The following CNTNAP2 variants were observed in gnomAD, a reference collection of about 807,000 sequenced individuals.
CNTNAP2 encodes the protein contactin-associated protein-like 2.
Under a neutral mutation model 155.2 loss-of-function variants are expected in CNTNAP2, and 98 were observed. That is an observed-to-expected ratio of 0.63 (90% CI 0.54 to 0.75). The LOEUF is 0.75. Ranked by LOEUF, CNTNAP2 falls within the 30% of genes least tolerant of loss-of-function variation. The pLI is 0.00. For missense variants in CNTNAP2, 1,727 were observed against 1,688.1 expected (o/e 1.02, Z -0.40); for synonymous variants, 651 against 631.2 (o/e 1.03, Z -0.47).
At chr7:147,577,712 G>T (rs1800421488) in intron 12 of CNTNAP2, among the ~76,000 whole-genome samples, 1 of 151,558 alleles carries the variant, frequency 6.6e-6, no homozygotes, top group African/African-American at 2.4e-5. Flanking sequence ...TATAGGCAAA[G>T]GCTCAGAGGA....
chr7:148,053,687 T>A (rs1322609377), intron 15 of CNTNAP2, among the ~76,000 whole-genome samples: 1 of 152,180 alleles, frequency 6.6e-6, no homozygotes, highest in Non-Finnish European at 1.5e-5. Flanking sequence ...ATCTGGGACA[T>A]TTTTTGCTTT....
intron 10 of CNTNAP2, among the ~76,000 whole-genome samples, chr7:147,479,425 G>C (rs1047427119): frequency 3.3e-5 from 5 of 152,194 alleles, no homozygotes; most frequent in African/African-American, 1.2e-4. Flanking sequence ...ACAGGCGACT[G>C]ACTGATTTGA....
At chr7:147,658,615 G>C (rs1795563940) in intron 13 of CNTNAP2, among the ~76,000 whole-genome samples, 2 of 152,190 alleles carry the variant, frequency 1.3e-5, no homozygotes, top group African/African-American at 4.8e-5. Flanking sequence ...AGGGCTACCA[G>C]ATGGGAAGCC....
intron 10 of CNTNAP2, among the ~76,000 whole-genome samples, chr7:147,483,372 T>G (rs1798458419): frequency 6.6e-6 from 1 of 151,996 alleles, no homozygotes; most frequent in African/African-American, 2.4e-5. Flanking sequence ...TGGGTGGGGA[T>G]TGGTGTGGAA....
intron 1 of CNTNAP2, among the ~76,000 whole-genome samples, chr7:146,698,786 A>G (rs1227255959): frequency 6.6e-6 from 1 of 152,102 alleles, no homozygotes; most frequent in African/African-American, 2.4e-5. Context: ...TAACACTCAT[A>G]CATGTGTAGA....
chr7:146,740,960 A>G (rs1486352068), intron 1 of CNTNAP2, among the ~76,000 whole-genome samples: 2 of 152,132 alleles, frequency 1.3e-5, no homozygotes, highest in African/African-American at 2.4e-5. Flanking sequence ...TGGTGGGTCT[A>G]TAGGCTCAGT....
chr7:147,829,738 C>A (rs144264217), intron 13 of CNTNAP2, among the ~76,000 whole-genome samples: 7 of 152,084 alleles, frequency 4.6e-5, no homozygotes, highest in Non-Finnish European at 1.0e-4. Flanking sequence ...GAGGAGCATA[C>A]GGTCAACTTT....
intron 19 of CNTNAP2, 84 bp downstream of exon 19, chr7:148,217,608 T>C (rs1206586745): frequency 5.5e-6 from 8 of 1,452,672 alleles, no homozygotes; most frequent in Admixed American, 1.7e-5. Context: ...TTGTTCTTGG[T>C]TTGTTATTTA....
intron 1 of CNTNAP2, among the ~76,000 whole-genome samples, chr7:146,511,456 G>T (rs1170219614): frequency 6.6e-6 from 1 of 152,126 alleles, no homozygotes; most frequent in Non-Finnish European, 1.5e-5. Context: ...TTTGAAGTAT[G>T]TTCCTTCTAT....
At chr7:146,920,868 T>G (rs1224346319) in intron 3 of CNTNAP2, among the ~76,000 whole-genome samples, 2 of 152,164 alleles carry the variant, frequency 1.3e-5, no homozygotes, top group African/African-American at 2.4e-5. Flanking sequence ...AAATGCCAGC[T>G]GCTGCAGCTC....
intron 3 of CNTNAP2, among the ~76,000 whole-genome samples, chr7:146,854,895 A>G (rs1179596625): frequency 6.6e-6 from 1 of 152,078 alleles, no homozygotes; most frequent in Non-Finnish European, 1.5e-5. Context: ...TTGTTGTTCT[A>G]TTTGCAGGAT....
At chr7:146,622,693 A>G (rs1799348247) in intron 1 of CNTNAP2, among the ~76,000 whole-genome samples, 1 of 152,122 alleles carries the variant, frequency 6.6e-6, no homozygotes, top group South Asian at 2.1e-4. Flanking sequence ...GCAGTGGCTC[A>G]TGCCTGTAAT....
At chr7:146,234,882 C>T (rs1248268110) in intron 1 of CNTNAP2, among the ~76,000 whole-genome samples, 1 of 152,182 alleles carries the variant, frequency 6.6e-6, no homozygotes, top group East Asian at 1.9e-4. Context: ...GTTGGGAAGT[C>T]AATTGTCCTG....
intron 13 of CNTNAP2, among the ~76,000 whole-genome samples, chr7:147,650,080 T>C (rs962443254): frequency 3.3e-5 from 5 of 152,170 alleles, no homozygotes; most frequent in Non-Finnish European, 7.4e-5. Context: ...ATCGTAATTT[T>C]TTCCAGTTCA....
chr7:148,024,708 GT>G (rs900411178), intron 15 of CNTNAP2, among the ~76,000 whole-genome samples: 4 of 152,160 alleles, frequency 2.6e-5, no homozygotes, highest in African/African-American at 7.2e-5. Context: ...CATGTTACAA[GT>G]TTTTAGCAAA....
At chr7:147,794,923 G>A (rs74996777) in intron 13 of CNTNAP2, among the ~76,000 whole-genome samples, 10,718 of 150,886 alleles carry the variant, frequency 0.071, 516 homozygotes, top group Middle Eastern at 0.12. Flanking sequence ...TGTAAAGTTC[G>A]TAGTAATACC....
chr7:146,952,872 AG>A (rs1797350833), intron 3 of CNTNAP2, among the ~76,000 whole-genome samples: 1 of 152,076 alleles, frequency 6.6e-6, no homozygotes. Context: ...AATTTTTTAT[AG>A]ACAGAATCAT....
rs192190059 is a variant in CNTNAP2, at chr7:147,128,015, C to T, written c.940-678C>T. Among the ~76,000 whole-genome samples, 518 of 152,084 alleles carry T rather than the reference C, an allele frequency of 3.4e-3. 3 individuals are homozygous for T. Among genetic ancestry groups the T allele is most frequent in the Non-Finnish European group, 4.4e-3 (298 of 67,986 alleles). On this transcript the variant is annotated intron_variant, in intron 6 of 23. Transcript: ENST00000361727. ...GAAATGGATATTTTCTTTCTATAAGCGATAGCAGCCAGAGAAACACAGTAA... is the reference window on the plus strand; with the variant it reads ...GAAATGGATATTTTCTTTCTATAAGTGATAGCAGCCAGAGAAACACAGTAA...
chr7:147,076,702 C>T (rs2129267076), intron 4 of CNTNAP2, among the ~76,000 whole-genome samples: 1 of 152,216 alleles, frequency 6.6e-6, no homozygotes, highest in Non-Finnish European at 1.5e-5. Flanking sequence ...GGATGTTGTT[C>T]CTTGTTACTT....
Sources: gnomAD v4.1 joint callset for allele counts (sites outside exome capture counted in the v4.1 genomes callset) on GRCh38, gnomAD v4.1.1 for gene constraint, MANE v1.5 for transcripts, NCBI Gene and HGNC (gene_info 2026-07-23, HGNC 2026-07-21) for gene names.